Variants in NELL1 observed in about 807,000 individuals in gnomAD.
NELL1 encodes neural EGFL like 1, also known as protein kinase C-binding protein NELL1.
A neutral mutation model predicts 107.4 loss-of-function variants in NELL1; 76 were observed. The ratio of observed to expected loss-of-function variants is 0.71; its 90% CI spans 0.59 to 0.86. NELL1 has a LOEUF of 0.86. Ranked by LOEUF, NELL1 falls within the 40% of genes least tolerant of loss-of-function variation. NELL1 has a pLI of 0.00. For synonymous variants in NELL1, 353 were observed against 341.2 expected (o/e 1.03, Z -0.38); for missense variants, 1,024 against 1,005.5 (o/e 1.02, Z -0.25).
intron 13 of NELL1, among the ~76,000 whole-genome samples, chr11:21,220,692 T>C (rs1446682180): frequency 6.6e-6 from 1 of 152,190 alleles, no homozygotes; most frequent in Non-Finnish European, 1.5e-5. Flanking sequence ...TGTATAGAAA[T>C]GTACCCATTT....
intron 2 of NELL1, chr11:20,773,654 G>A (rs888842430): frequency 3.3e-5 from 5 of 151,934 alleles, no homozygotes; most frequent in African/African-American, 9.7e-5. Flanking sequence ...CATGCCACCA[G>A]GCCTGACTAA....
chr11:21,275,217 T>A (rs1432906595), intron 14 of NELL1, among the ~76,000 whole-genome samples: 1 of 151,916 alleles, frequency 6.6e-6, no homozygotes, highest in Non-Finnish European at 1.5e-5. Flanking sequence ...ATAAAGGGGA[T>A]ATCACCACCG....
chr11:21,216,509 G>A (rs1013792305), intron 13 of NELL1, among the ~76,000 whole-genome samples: 1 of 152,222 alleles, frequency 6.6e-6, no homozygotes, highest in Admixed American at 6.5e-5. Context: ...AGAGGGTGCT[G>A]TACCTTGCAA....
intron 12 of NELL1, among the ~76,000 whole-genome samples, chr11:20,998,041 A>G (rs1390446562): frequency 6.6e-6 from 1 of 152,230 alleles, no homozygotes; most frequent in African/African-American, 2.4e-5. Flanking sequence ...GGACAAGCCC[A>G]CAAGCAACAA....
intron 13 of NELL1, among the ~76,000 whole-genome samples, chr11:21,145,687 A>C (rs530473376): frequency 3.9e-5 from 6 of 152,282 alleles, no homozygotes; most frequent in African/African-American, 1.4e-4. Flanking sequence ...CCCAAGAAAA[A>C]GATGACTGGG....
intron 15 of NELL1, among the ~76,000 whole-genome samples, chr11:21,446,015 T>A (rs1853416696): frequency 6.6e-6 from 1 of 152,064 alleles, no homozygotes; most frequent in South Asian, 2.1e-4. Flanking sequence ...CTAGATCTTG[T>A]ATACTTTTTT....
Position 21,570,961 on chromosome 11 carries a change from A to G in NELL1, c.2157+21A>G, listed in dbSNP as rs8176793. Reference sequence around the variant, plus strand: ...GTCTGGTATGTTGGCTTCCTTTATAAGGTGTTGAGCCTTTACTCTGAAAGA... The same window carrying G: ...GTCTGGTATGTTGGCTTCCTTTATAGGGTGTTGAGCCTTTACTCTGAAAGA... On this transcript the variant is annotated intron_variant, in intron 18 of 19. Coordinates refer to ENST00000357134, the MANE Select transcript of NELL1 (RefSeq NM_006157.5). The G allele has an allele frequency of 0.022, 35,160 of 1,606,316 alleles. 5,709 individuals are homozygous for G. In the African/African-American group the frequency reaches 0.38, roughly 17 times the overall value.
intron 15 of NELL1, among the ~76,000 whole-genome samples, chr11:21,454,402 G>T (rs376934076): frequency 5.9e-5 from 9 of 151,912 alleles, no homozygotes; most frequent in African/African-American, 1.9e-4. Flanking sequence ...TGTGCATGTG[G>T]CTTTATAGCA....
At chr11:21,142,958 C>T (rs1855899889) in intron 13 of NELL1, among the ~76,000 whole-genome samples, 1 of 152,200 alleles carries the variant, frequency 6.6e-6, no homozygotes, top group Non-Finnish European at 1.5e-5. Flanking sequence ...AGTGTAGCTC[C>T]TCCTTCTATG....
At chr11:21,345,635 T>G (rs968642769) in intron 14 of NELL1, among the ~76,000 whole-genome samples, 2 of 152,228 alleles carry the variant, frequency 1.3e-5, no homozygotes, top group African/African-American at 4.8e-5. Context: ...GACTATGCCT[T>G]GTCTACTATA....
chr11:20,923,991 T>G (rs1850436399), intron 7 of NELL1, among the ~76,000 whole-genome samples: 1 of 152,190 alleles, frequency 6.6e-6, no homozygotes, highest in Non-Finnish European at 1.5e-5. Flanking sequence ...TCTTTCATTA[T>G]GTAGAGTTCA....
At position 21,423,058 on chromosome 11, in the gene NELL1, T is replaced by A. The variant is rs185207911; in HGVS notation, c.1645+52110T>A. On this transcript the variant is annotated intron_variant, in intron 15 of 19. Coordinates refer to ENST00000357134, the MANE Select transcript of NELL1 (RefSeq NM_006157.5). ...TGCTATACTAATATAAAAAATAGAC[T>A]CTAAGTTTAAAAATTTTATAAAAGG... Among the ~76,000 whole-genome samples, 6 of 152,152 alleles carry A rather than the reference T, an allele frequency of 3.9e-5. No individual in the cohort carries two copies. In the East Asian group the frequency reaches 9.7e-4, roughly 25 times the overall value.
At chr11:21,522,834 C>T (rs371910875) in intron 15 of NELL1, among the ~76,000 whole-genome samples, 63 of 68,444 alleles carry the variant, frequency 9.2e-4, no homozygotes, top group African/African-American at 1.9e-3. Flanking sequence ...TTTTTCTTTT[C>T]TTTTTTTTTT....
chr11:21,068,801 A>G (rs1290713219), intron 12 of NELL1, among the ~76,000 whole-genome samples: 2 of 152,202 alleles, frequency 1.3e-5, no homozygotes, highest in African/African-American at 4.8e-5. Context: ...AATTGAGCAG[A>G]ACTACCTTTT....
intron 14 of NELL1, among the ~76,000 whole-genome samples, chr11:21,307,760 C>G (rs1026152661): frequency 1.3e-5 from 2 of 151,926 alleles, no homozygotes; most frequent in Non-Finnish European, 2.9e-5. Context: ...TTTATTTATA[C>G]TCTTTCAAAA....
chr11:21,448,975 T>A (rs139515435), intron 15 of NELL1, among the ~76,000 whole-genome samples: 201 of 152,344 alleles, frequency 1.3e-3, no homozygotes, highest in Non-Finnish European at 1.6e-3. Flanking sequence ...TAGACATTTG[T>A]TGTTTCCAGT....
In NELL1 at chr11:21,224,393, AT is replaced by A. The variant is rs36044630; in HGVS notation, c.1427-4925del. Among the ~76,000 whole-genome samples the A allele has an allele frequency of 3.0e-3, 427 of 144,080 alleles. 1 individual carries two copies. The highest frequency in any genetic ancestry group is 0.013 in the East Asian group (62 of 4,892). The allele number at this position is 144,080 out of a possible 152,430, so 94.5% of individuals were successfully genotyped here. A position where few individuals can be genotyped will look rare whatever the true frequency, so the allele number is the denominator to read the frequency against. ...CACAGTTGTATGCCACCATACCCAG[AT>A]TTTTTTTTTTTTTGGTAGATATGGC... On this transcript the variant is annotated intron_variant, in intron 13 of 19. Coordinates refer to ENST00000357134, the MANE Select transcript of NELL1 (RefSeq NM_006157.5).
chr11:21,149,579 C>G (rs951074128), intron 13 of NELL1, among the ~76,000 whole-genome samples: 1 of 152,170 alleles, frequency 6.6e-6, no homozygotes, highest in Non-Finnish European at 1.5e-5. Flanking sequence ...CTCCACCTGA[C>G]CCCACCGTTG....
At chr11:20,823,196 G>A (rs1478131116) in intron 3 of NELL1, among the ~76,000 whole-genome samples, 1 of 151,388 alleles carries the variant, frequency 6.6e-6, no homozygotes, top group Non-Finnish European at 1.5e-5. Flanking sequence ...ATGGTGGAAG[G>A]CAAGGAGGAT....
Sources: allele counts gnomAD v4.1 joint callset (sites outside exome capture counted in the v4.1 genomes callset), GRCh38; gene constraint gnomAD v4.1.1; transcripts MANE v1.5; gene names NCBI Gene and HGNC (gene_info 2026-07-23, HGNC 2026-07-21).